CNBD1: variants seen among roughly 807,000 people sequenced by gnomAD.
CNBD1 encodes the protein cyclic nucleotide binding domain containing 1.
In CNBD1, 71 loss-of-function variants were observed where a neutral mutation model predicts 54.4. The ratio of observed to expected loss-of-function variants is 1.30; its 90% CI spans 1.08 to 1.59. CNBD1 has a LOEUF of 1.59. Ranked by LOEUF, CNBD1 falls within the 40% of genes most tolerant of loss-of-function variation. The probability of loss-of-function intolerance (pLI) is 0.00; values close to 1 mark genes in which losing one functional copy is unlikely to be tolerated. For missense variants in CNBD1, 659 were observed against 518.0 expected, an observed-to-expected ratio of 1.27 and a Z score of -2.64; for synonymous variants, 182 against 170.7, an observed-to-expected ratio of 1.07 and a Z score of -0.51.
intron 6 of CNBD1, among the ~76,000 whole-genome samples, chr8:87,257,805 G>A (rs1242950673): frequency 6.6e-6 from 1 of 152,112 alleles, no homozygotes; most frequent in East Asian, 1.9e-4. Flanking sequence ...GTATCAGCTG[G>A]TTTAACATGA....
chr8:87,351,824 CAATT>C (rs751386132), intron 9 of CNBD1, 30 bp downstream of exon 9: 5 of 1,424,074 alleles, frequency 3.5e-6, no homozygotes, highest in South Asian at 3.1e-5. Flanking sequence ...TCTTTTTAAT[CAATT>C]AATCTACTCT....
chr8:87,153,858 A>G (rs1360355823), intron 4 of CNBD1, among the ~76,000 whole-genome samples: 1 of 152,196 alleles, frequency 6.6e-6, no homozygotes, highest in African/African-American at 2.4e-5. Context: ...AGACCGTAGA[A>G]CAAAAGTGCA....
rs776407325 is a variant in CNBD1 at position 86,979,428 on chromosome 8, AG to A, written c.431+39676del. Among the ~76,000 whole-genome samples, 874 of 136,660 alleles carry A rather than the reference AG, an allele frequency of 6.4e-3. 294 individuals are homozygous for A. Among genetic ancestry groups the A allele is most frequent in the African/African-American group, 0.02 (690 of 34,248 alleles). The allele number at this position is 136,660 out of a possible 152,430, so 89.7% of individuals were successfully genotyped here. On this transcript the variant is annotated intron_variant, in intron 4 of 10. Transcript: ENST00000518476. ...AAAAAAAAAAAAAAAAAAAAAAAAA[AG>A]GCAAAAACAATTTAGCCTGCCATGG...
intron 5 of CNBD1, among the ~76,000 whole-genome samples, chr8:87,227,088 G>A (rs995248268): frequency 6.6e-6 from 1 of 151,766 alleles, no homozygotes; most frequent in Admixed American, 6.6e-5. Flanking sequence ...TTTTCCATTG[G>A]CTTGGTAGAT....
At chr8:86,957,224 G>A (rs1302471620) in intron 4 of CNBD1, among the ~76,000 whole-genome samples, 4 of 152,170 alleles carry the variant, frequency 2.6e-5, no homozygotes, top group Non-Finnish European at 5.9e-5. Context: ...GCTGGATTCA[G>A]TTTGCCAGTA....
intron 4 of CNBD1, among the ~76,000 whole-genome samples, chr8:87,071,190 G>C (rs1810752761): frequency 6.6e-6 from 1 of 151,924 alleles, no homozygotes; most frequent in Admixed American, 6.6e-5. Context: ...TATTTTCATG[G>C]TTATTCAATA....
intron 4 of CNBD1, among the ~76,000 whole-genome samples, chr8:87,109,436 A>G (rs1003485722): frequency 6.6e-6 from 1 of 152,068 alleles, no homozygotes; most frequent in African/African-American, 2.4e-5. Flanking sequence ...AATAGTTACC[A>G]TAATTCAACT....
rs548112939 is a variant in CNBD1 at position 86,986,295 on chromosome 8, G to A, written c.431+46541G>A. On this transcript the variant is annotated intron_variant, in intron 4 of 10. Coordinates refer to ENST00000518476, the MANE Select transcript of CNBD1 (RefSeq NM_173538.3). ...GATGAGCAGTTTTATATGTTTATTG[G>A]CCATTTGTATGTCTTCTTTTAAGAA... is the stretch of plus-strand genomic sequence containing the variant. Among the ~76,000 whole-genome samples the A allele has an allele frequency of 7.2e-5, 11 of 152,100 alleles. No individual in the cohort carries two copies. The South Asian group carries it at 2.1e-3, about 29-fold the overall frequency.
chr8:87,342,108 C>T (rs977861293), intron 8 of CNBD1, among the ~76,000 whole-genome samples: 14 of 151,980 alleles, frequency 9.2e-5, no homozygotes, highest in African/African-American at 3.4e-4. Context: ...CCTGTTTCTA[C>T]TAAAAATACA....
intron 3 of CNBD1, among the ~76,000 whole-genome samples, chr8:86,918,702 G>A (rs1264735722): frequency 6.6e-6 from 1 of 151,290 alleles, no homozygotes; most frequent in Non-Finnish European, 1.5e-5. Context: ...ATGGAACTGT[G>A]AGTCCATCAA....
chr8:87,290,053 A>G (rs1808759243), intron 8 of CNBD1, among the ~76,000 whole-genome samples: 2 of 152,064 alleles, frequency 1.3e-5, no homozygotes, highest in South Asian at 2.1e-4. Context: ...TTTAGGTCTT[A>G]CCATATAAAT....
chr8:87,089,492 G>A lies in CNBD1; in HGVS notation c.432-116501G>A, dbSNP rs547196078. Among the ~76,000 whole-genome samples the A allele has an allele frequency of 2.5e-4, 38 of 152,220 alleles. 1 individual carries two copies. Among genetic ancestry groups the A allele is most frequent in the African/African-American group, 9.1e-4 (38 of 41,558 alleles). ...AGCATTATAGAAATTGACTTGGCAA[G>A]ACATTGTGACTAACTAATGGTTTGT... On this transcript the variant is annotated intron_variant, in intron 4 of 10. Transcript: ENST00000518476.
At chr8:87,248,627 G>A (rs1221512010) in intron 6 of CNBD1, among the ~76,000 whole-genome samples, 2 of 152,174 alleles carry the variant, frequency 1.3e-5, no homozygotes, top group African/African-American at 4.8e-5. Flanking sequence ...ATATAAAGCA[G>A]GATTGGAGAA....
At chr8:87,132,707 A>T (rs117034043) in intron 4 of CNBD1, among the ~76,000 whole-genome samples, 16,637 of 147,344 alleles carry the variant, frequency 0.11, 1,158 homozygotes, top group South Asian at 0.22. Flanking sequence ...AGTTTCATTT[A>T]TATATATTTG....
intron 8 of CNBD1, among the ~76,000 whole-genome samples, chr8:87,308,518 A>G (rs1260476528): frequency 6.6e-6 from 1 of 152,154 alleles, no homozygotes; most frequent in Non-Finnish European, 1.5e-5. Flanking sequence ...TGACACATGC[A>G]TACAATGTGT....
intron 2 of CNBD1, among the ~76,000 whole-genome samples, chr8:87,402,273 G>A (rs550041549): frequency 5.3e-5 from 8 of 152,072 alleles, no homozygotes; most frequent in Admixed American, 4.6e-4. Flanking sequence ...GGAGATTATG[G>A]GAGCTATAAG....
intron 8 of CNBD1, among the ~76,000 whole-genome samples, chr8:87,299,192 A>C (rs951424565): frequency 3.0e-4 from 46 of 152,134 alleles, no homozygotes; most frequent in African/African-American, 1.1e-3. Flanking sequence ...TTGTAAACTC[A>C]AGCCAGTTCT....
chr8:87,342,609 G>A (rs911420722), intron 8 of CNBD1, among the ~76,000 whole-genome samples: 5 of 152,148 alleles, frequency 3.3e-5, no homozygotes, highest in African/African-American at 1.2e-4. Flanking sequence ...GAAATAAAGA[G>A]AAAGGGTATA....
At chr8:86,996,793 G>A (rs1363761400) in intron 4 of CNBD1, among the ~76,000 whole-genome samples, 3 of 152,168 alleles carry the variant, frequency 2.0e-5, no homozygotes, top group African/African-American at 7.2e-5. Flanking sequence ...TATAGACTGG[G>A]TTGCAGATAA....
Sources: gnomAD v4.1 joint callset for allele counts (sites outside exome capture counted in the v4.1 genomes callset) on GRCh38, gnomAD v4.1.1 for gene constraint, MANE v1.5 for transcripts, NCBI Gene and HGNC (gene_info 2026-07-23, HGNC 2026-07-21) for gene names.